Variants in ASPHD1 observed in about 807,000 individuals in gnomAD.
ASPHD1 encodes the protein aspartate beta-hydroxylase domain containing 1, also known as aspartate beta-hydroxylase domain-containing protein 1.
A neutral mutation model predicts 28.3 loss-of-function variants in ASPHD1; 20 were observed. The observed-to-expected ratio is 0.71, with a 90% CI of 0.50 to 1.03. ASPHD1 has a LOEUF of 1.03. Among genes scored for constraint, ASPHD1 ranks in the 50% least tolerant of loss-of-function variants. The pLI, the probability that ASPHD1 is intolerant of heterozygous loss-of-function variation, is 0.00. For synonymous variants in ASPHD1, 240 were observed against 221.2 expected, an observed-to-expected ratio of 1.08 and a Z score of -0.75; for missense variants, 479 against 524.1, an observed-to-expected ratio of 0.91 and a Z score of 0.84.
intron 2 of ASPHD1, among the ~76,000 whole-genome samples, chr16:29,905,515 C>T (rs2068597343): frequency 6.6e-6 from 1 of 150,740 alleles, no homozygotes; most frequent in Admixed American, 6.7e-5. Context: ...GAAATCCCAG[C>T]TACTAGGGAG....
chr16:29,905,124 T>C (rs1417295352), intron 2 of ASPHD1, 159 bp downstream of exon 2: 1 of 565,646 alleles, frequency 1.8e-6, no homozygotes, highest in Non-Finnish European at 3.1e-6. Context: ...TCCAATGCCC[T>C]AGGACCACCA....
Position 29,901,814 on chromosome 16 carries a change from T to C in ASPHD1, c.843T>C (p.Phe281=). 1 of 1,561,286 alleles carries C rather than the reference T, an allele frequency of 6.4e-7. No homozygotes were observed. The highest frequency in any genetic ancestry group is 8.7e-7 in the Non-Finnish European group (1 of 1,155,154). ...AYRALRGLRS[F]MSANTFGNAG... ...GGGCACTGAGGGGGCTTCGAAGCTT[T>C]ATGAGTGCCAACACCTTCGGCAATG... The change falls in exon 1 of 3, where the codon TTT becomes TTC. Residue 281 remains phenylalanine (F), a synonymous_variant. Coordinates refer to ENST00000308748, the MANE Select transcript of ASPHD1 (RefSeq NM_181718.4). This position sits in a 1 kb window ranked among gnomAD's most constrained non-coding sequence, Gnocchi z 5.1.
At chr16:29,908,983 C>T (rs530411599), downstream of ASPHD1, among the ~76,000 whole-genome samples, 4 of 152,132 alleles carry the variant, frequency 2.6e-5, no homozygotes, top group African/African-American at 9.6e-5. Context: ...GTGAGCCATG[C>T]ACTCTAATTA....
intron 3 of ASPHD1, chr16:29,912,112 A>C: frequency 8.8e-7 from 1 of 1,131,836 alleles, no homozygotes; most frequent in Non-Finnish European, 1.3e-6. Flanking sequence ...CCCACTTAAA[A>C]GCCTTCAAAA....
downstream of ASPHD1, among the ~76,000 whole-genome samples, chr16:29,909,681 A>C (rs1313150313): frequency 6.7e-6 from 1 of 150,016 alleles, no homozygotes; most frequent in Admixed American, 6.7e-5. Flanking sequence ...GGCCTTTCTG[A>C]GTTTCCCTTT....
intron 3 of ASPHD1, chr16:29,914,470 C>T (rs1444016918): frequency 2.8e-5 from 4 of 142,870 alleles, no homozygotes; most frequent in Non-Finnish European, 3.0e-5. Flanking sequence ...GAGTCTTGCT[C>T]TGTCTCCCAA....
chr16:29,905,135 C>T, intron 2 of ASPHD1, 170 bp downstream of exon 2: 2 of 547,908 alleles, frequency 3.7e-6, no homozygotes, highest in Non-Finnish European at 6.4e-6. Flanking sequence ...AGGACCACCA[C>T]CTTCTTCATC....
intron 3 of ASPHD1, chr16:29,912,510 G>A (rs2068732997): frequency 5.2e-6 from 1 of 191,174 alleles, no homozygotes; most frequent in Non-Finnish European, 1.1e-5. Flanking sequence ...GCGCCATCTC[G>A]GCTCACTGCA....
intron 3 of ASPHD1, chr16:29,913,024 G>A (rs1028608421): frequency 2.0e-5 from 3 of 151,512 alleles, no homozygotes; most frequent in Non-Finnish European, 2.9e-5. Context: ...AACTCAATGC[G>A]CAATTCTAAT....
downstream of ASPHD1, among the ~76,000 whole-genome samples, chr16:29,908,407 C>T (rs957822709): frequency 6.6e-6 from 1 of 151,970 alleles, no homozygotes; most frequent in African/African-American, 2.4e-5. Context: ...TTTCCTGAGA[C>T]AGAGTCTTGC....
intron 1 of ASPHD1, among the ~76,000 whole-genome samples, chr16:29,902,636 T>C (rs542059541): frequency 6.6e-6 from 1 of 151,866 alleles, no homozygotes; most frequent in Non-Finnish European, 1.5e-5. Context: ...GCCTCCCGAG[T>C]ATCTGGGACT....
At chr16:29,906,542 C>T (rs753921373), downstream of ASPHD1, 75 of 493,734 alleles carry the variant, frequency 1.5e-4, no homozygotes, top group Middle Eastern at 3.0e-4. Flanking sequence ...CAGGAAGGGC[C>T]GCACACTTTG....
At chr16:29,902,543 T>C (rs2068562479) in intron 1 of ASPHD1, among the ~76,000 whole-genome samples, 1 of 152,280 alleles carries the variant, frequency 6.6e-6, no homozygotes, top group Non-Finnish European at 1.5e-5. Context: ...AGTCTCGCTC[T>C]GTCGCCCAGG....
intron 2 of ASPHD1, chr16:29,905,180 G>A (rs540005404): frequency 6.4e-5 from 30 of 465,768 alleles, no homozygotes; most frequent in Middle Eastern, 5.8e-4. Flanking sequence ...ATAATATTAC[G>A]TACACAGAAA....
intron 1 of ASPHD1, among the ~76,000 whole-genome samples, chr16:29,903,112 T>G (rs1219620843): frequency 6.6e-6 from 1 of 150,616 alleles, no homozygotes; most frequent in Non-Finnish European, 1.5e-5. Flanking sequence ...TCCCAGCACT[T>G]TGGGAGGCTG....
Position 29,901,606 on chromosome 16 carries a change from T to G in ASPHD1, c.635T>G (p.Leu212Arg), listed in dbSNP as rs147150968. The change falls in exon 1 of 3, where the codon CTC (leucine) becomes CGC (arginine). Residue 212 changes from leucine (L) to arginine (R), a missense_variant. Physicochemically the swap from Leu to Arg is moderately radical, Grantham distance 102. Coordinates refer to ENST00000308748, the MANE Select transcript of ASPHD1 (RefSeq NM_181718.4). The surrounding 1 kb of genome is among the most constrained non-coding windows in gnomAD (Gnocchi z 5.1). ...GACGCCCAGCGGCACGACGTGGAGC[T>G]CCTGGAGAGCAGCTTCCCTGCCATT... ...PRDAQRHDVE[L>R]LESSFPAILR... The G allele has an allele frequency of 1.9e-5, 30 of 1,556,454 alleles. No homozygotes were observed. In the Middle Eastern group the frequency reaches 1.4e-3, roughly 71 times the overall value.
At chr16:29,904,821 G>A (rs749598637) in intron 1 of ASPHD1, 31 bp from the exon 2 acceptor site, 1 of 1,495,798 alleles carries the variant, frequency 6.7e-7, no homozygotes, top group South Asian at 1.2e-5. Flanking sequence ...ATGGAGGCAG[G>A]AGTGCTGGAT....
intron 1 of ASPHD1, among the ~76,000 whole-genome samples, 186 bp from the exon 2 acceptor site, chr16:29,904,666 A>C (rs936316525): frequency 6.6e-6 from 1 of 151,732 alleles, no homozygotes; most frequent in Non-Finnish European, 1.5e-5. Flanking sequence ...GCGTTTCCCT[A>C]ATCTCCTAGC....
chr16:29,903,249 G>C (rs978819233), intron 1 of ASPHD1, among the ~76,000 whole-genome samples: 1 of 151,870 alleles, frequency 6.6e-6, no homozygotes, highest in Non-Finnish European at 1.5e-5. Context: ...CCAGCTACTC[G>C]GGAGGCCGAG....
Sources: gnomAD v4.1 joint callset for allele counts (sites outside exome capture counted in the v4.1 genomes callset) on GRCh38, gnomAD v4.1.1 for gene constraint, Gnocchi (gnomAD v3.1) non-coding constraint, MANE v1.5 for transcripts, NCBI Gene and HGNC (gene_info 2026-07-23, HGNC 2026-07-21) for gene names.